ZCCHC9: variants seen among roughly 807,000 people sequenced by gnomAD.
The protein encoded by ZCCHC9 is zinc finger CCHC-type containing 9, also known as zinc finger CCHC domain-containing protein 9.
In ZCCHC9, 18 loss-of-function variants were observed where a neutral mutation model predicts 30.8. The ratio of observed to expected loss-of-function variants is 0.58; its 90% CI spans 0.40 to 0.87. ZCCHC9 has a LOEUF of 0.87. Ranked by LOEUF, ZCCHC9 falls within the 40% of genes least tolerant of loss-of-function variation. The pLI is 0.00. For synonymous variants in ZCCHC9, 94 were observed against 106.7 expected (o/e 0.88, Z 0.73); for missense variants, 279 against 331.2 (o/e 0.84, Z 1.22).
chr5:81,307,987 T>TC (rs1156681445), intron 2 of ZCCHC9, among the ~76,000 whole-genome samples: 1 of 88,460 alleles, frequency 1.1e-5, no homozygotes, highest in African/African-American at 4.7e-5. Context: ...GGAGTAAGAC[T>TC]CCGTCTCAAA....
At position 81,310,157 on chromosome 5, in the gene ZCCHC9, TA is replaced by T. The variant is rs71000814; in HGVS notation, c.629-1031del. Among the ~76,000 whole-genome samples, 568 of 104,744 alleles carry T rather than the reference TA, an allele frequency of 5.4e-3. 3 individuals are homozygous for T. The highest frequency in any genetic ancestry group is 6.5e-3 in the South Asian group (20 of 3,066). The allele number at this position is 104,744 out of a possible 152,430, so 68.7% of individuals were successfully genotyped here. A position where few individuals can be genotyped will look rare whatever the true frequency, so the allele number is the denominator to read the frequency against. On this transcript the variant is annotated intron_variant, in intron 4 of 5. Transcript: ENST00000407610. ...ACTGGTCAACCAAAGTGACTAGCTGTAAAAAAAAAAAAAAAAAAAAAAATTA... is the reference window on the plus strand; with the variant it reads ...ACTGGTCAACCAAAGTGACTAGCTGTAAAAAAAAAAAAAAAAAAAAAATTA...
At position 81,312,554 on chromosome 5, in the gene ZCCHC9, C is replaced by A; in HGVS notation, c.708C>A (p.Val236=). 6.2e-7 allele frequency: 1 copy of A among 1,613,210 alleles called. No individual in the cohort carries two copies. Among genetic ancestry groups the A allele is most frequent in the South Asian group, 1.1e-5 (1 of 90,948 alleles). The change falls in exon 6 of 6, where the codon GTC becomes GTA. Residue 236 remains valine (V), a synonymous_variant. Coordinates refer to ENST00000407610, the MANE Select transcript of ZCCHC9 (RefSeq NM_001131035.2). ...TCTATTCCTTTACAGAGCGAATGGTCACAGTTGGTCGCTGGGCAAAGGGAA... is the reference window on the plus strand; with the variant it reads ...TCTATTCCTTTACAGAGCGAATGGTAACAGTTGGTCGCTGGGCAAAGGGAA... ...CPESQNSERM[V]TVGRWAKGMS... is the part of the protein sequence containing the mutation.
At chr5:81,304,681 AGTTTT>A in intron 1 of ZCCHC9, 55 bp from the exon 2 acceptor site, 1 of 1,448,426 alleles carries the variant, frequency 6.9e-7, no homozygotes, top group East Asian at 2.3e-5. Flanking sequence ...ATGTCTCTTT[AGTTTT>A]GTTGTTTTTG....
chr5:81,307,332 A>G (rs1433997372), intron 2 of ZCCHC9, among the ~76,000 whole-genome samples: 2 of 152,238 alleles, frequency 1.3e-5, no homozygotes, highest in Non-Finnish European at 2.9e-5. Context: ...TGTATTGTGC[A>G]TATATTCTAA....
At chr5:81,303,804 T>C (rs1339399018) in intron 1 of ZCCHC9, 1 of 152,208 alleles carries the variant, frequency 6.6e-6, no homozygotes, top group South Asian at 2.1e-4. Flanking sequence ...ACCAGTATCA[T>C]GTGTGCAGTC....
chr5:81,301,852 G>C (rs1757964179), intron 1 of ZCCHC9, 154 bp downstream of exon 1: 1 of 152,338 alleles, frequency 6.6e-6, no homozygotes, highest in Non-Finnish European at 1.5e-5. Context: ...GACCTCAGCT[G>C]TTGGGCTCCG....
intron 4 of ZCCHC9, 34 bp from the exon 5 acceptor site, chr5:81,311,177 G>A (rs1758271510): frequency 6.2e-7 from 1 of 1,612,268 alleles, no homozygotes; most frequent in Non-Finnish European, 8.5e-7. Context: ...TTGCAAGTAT[G>A]AGATGGTATT....
At chr5:81,307,395 C>T (rs1445968466) in intron 2 of ZCCHC9, among the ~76,000 whole-genome samples, 1 of 152,168 alleles carries the variant, frequency 6.6e-6, no homozygotes, top group African/African-American at 2.4e-5. Flanking sequence ...GGTGTGGTGG[C>T]TCATGCCTGT....
intron 4 of ZCCHC9, 99 bp from the exon 5 acceptor site, chr5:81,311,112 C>A: frequency 8.4e-7 from 1 of 1,190,316 alleles, no homozygotes; most frequent in Non-Finnish European, 1.2e-6. Context: ...TTACAACTGA[C>A]AGGGTTGTGA....
chr5:81,310,157 T>TATA (rs1758230150), intron 4 of ZCCHC9, among the ~76,000 whole-genome samples: 1 of 104,776 alleles, frequency 9.5e-6, no homozygotes, highest in Non-Finnish European at 1.8e-5. Context: ...TGACTAGCTG[T>TATA]AAAAAAAAAA....
Position 81,305,037 on chromosome 5 carries a change from A to G in ZCCHC9, c.280A>G (p.Thr94Ala), listed in dbSNP as rs764297631. The change falls in exon 2 of 6, where the codon ACA becomes GCA. Residue 94 changes from threonine (T) to alanine (A), a missense_variant. Transcript: ENST00000407610. Reference protein sequence around the residue: ...QMVHNGQIIATDSEEVREEIA... With the variant: ...QMVHNGQIIAADSEEVREEIA... The stretch of plus-strand genomic sequence containing the variant: ...GGTTCACAATGGGCAAATTATAGCA[A>G]CAGACAGTGAGGAAGTAAGGGAAGA... The G allele has an allele frequency of 9.3e-6, 15 of 1,614,106 alleles. 1 individual carries two copies. Among genetic ancestry groups the G allele is most frequent in the African/African-American group, 1.3e-5 (1 of 74,950 alleles).
chr5:81,305,038 C>T lies in ZCCHC9; in HGVS notation c.281C>T (p.Thr94Ile). 6.2e-7 allele frequency: 1 copy of T among 1,614,036 alleles called. No individual in the cohort carries two copies. The highest frequency in any genetic ancestry group is 1.7e-5 in the Admixed American group (1 of 60,008). The change falls in exon 2 of 6, where the codon ACA becomes ATA. Residue 94 changes from threonine to isoleucine, a missense_variant. Physicochemically the swap from Thr to Ile is moderately conservative, Grantham distance 89 (BLOSUM62 -1). Coordinates refer to ENST00000407610, the MANE Select transcript of ZCCHC9 (RefSeq NM_001131035.2). ...GTTCACAATGGGCAAATTATAGCAA[C>T]AGACAGTGAGGAAGTAAGGGAAGAA... ...QMVHNGQIIATDSEEVREEIA... is the reference protein window; with the variant it reads ...QMVHNGQIIAIDSEEVREEIA...
At chr5:81,311,138 T>C in intron 4 of ZCCHC9, 73 bp from the exon 5 acceptor site, 1 of 1,492,016 alleles carries the variant, frequency 6.7e-7, no homozygotes, top group Non-Finnish European at 9.4e-7. Flanking sequence ...CAGTAAGATG[T>C]GAAAGTGCTT....
chr5:81,304,748 T>G lies in ZCCHC9; in HGVS notation c.-10T>G. On this transcript the variant is annotated 5_prime_UTR_variant, in exon 2 of 6. Transcript: ENST00000407610. ...GTCTTAAAAATTGATAAGGTACCAC[T>G]GATGAAATTATGACCAGGTGGGCCC... 2.6e-6 allele frequency: 4 copies of G among 1,564,674 alleles called. No homozygotes were observed. Among genetic ancestry groups the G allele is most frequent in the Non-Finnish European group, 3.5e-6 (4 of 1,159,236 alleles).
intron 2 of ZCCHC9, among the ~76,000 whole-genome samples, chr5:81,308,127 G>A (rs1176479109): frequency 6.8e-6 from 1 of 147,770 alleles, no homozygotes; most frequent in Non-Finnish European, 1.5e-5. Flanking sequence ...AACTTTAAAA[G>A]AAATATTAAT....
intron 2 of ZCCHC9, among the ~76,000 whole-genome samples, chr5:81,306,763 A>G (rs1285537250): frequency 1.3e-5 from 2 of 152,228 alleles, no homozygotes; most frequent in African/African-American, 4.8e-5. Context: ...CTTAAGGACC[A>G]TTCAAAAATG....
chr5:81,306,351 T>G (rs1346988502), intron 2 of ZCCHC9, among the ~76,000 whole-genome samples: 3 of 152,248 alleles, frequency 2.0e-5, no homozygotes, highest in Non-Finnish European at 4.4e-5. Flanking sequence ...TATTTAGAGA[T>G]AATACTGATG....
At chr5:81,307,799 C>A (rs1248803511) in intron 2 of ZCCHC9, among the ~76,000 whole-genome samples, 1 of 151,782 alleles carries the variant, frequency 6.6e-6, no homozygotes, top group Non-Finnish European at 1.5e-5. Flanking sequence ...GAGTTCGAGA[C>A]CAGCCTGGCC....
At chr5:81,305,899 TTATC>T (rs1446875431) in intron 2 of ZCCHC9, among the ~76,000 whole-genome samples, 2 of 152,184 alleles carry the variant, frequency 1.3e-5, no homozygotes, top group East Asian at 1.9e-4. Context: ...AGGATGTTCT[TTATC>T]TATGAAATAC....
Sources: gnomAD v4.1 joint callset for allele counts (sites outside exome capture counted in the v4.1 genomes callset) on GRCh38, gnomAD v4.1.1 for gene constraint, MANE v1.5 for transcripts, NCBI Gene and HGNC (gene_info 2026-07-23, HGNC 2026-07-21) for gene names.